Variants in STXBP5L observed in about 807,000 individuals in gnomAD.
The protein encoded by STXBP5L is syntaxin-binding protein 5-like.
Under a neutral mutation model 144.5 loss-of-function variants are expected in STXBP5L, and 65 were observed. The ratio of observed to expected loss-of-function variants is 0.45; its 90% confidence interval spans 0.37 to 0.55. The LOEUF (loss-of-function observed/expected upper bound fraction) is 0.55. Among genes scored for constraint, STXBP5L ranks in the 20% least tolerant of loss-of-function variants. The pLI is 0.00. For missense variants in STXBP5L, 1,298 were observed against 1,405.5 expected, an observed-to-expected ratio of 0.92 and a Z score of 1.22; for synonymous variants, 505 against 469.6, an observed-to-expected ratio of 1.08 and a Z score of -0.97.
chr3:121,114,532 A>T (rs1459327206), intron 5 of STXBP5L, among the ~76,000 whole-genome samples: 1 of 152,188 alleles, frequency 6.6e-6, no homozygotes, highest in Non-Finnish European at 1.5e-5. Context: ...AATGTAGCTT[A>T]GTGAAAGATG....
At chr3:120,961,270 T>C (rs949942376) in intron 3 of STXBP5L, among the ~76,000 whole-genome samples, 3 of 150,308 alleles carry the variant, frequency 2.0e-5, no homozygotes, top group Non-Finnish European at 3.0e-5. Flanking sequence ...GTCTTTCTTT[T>C]TTTGTTTTTT....
At chr3:121,278,308 A>C (rs2050946798) in intron 18 of STXBP5L, among the ~76,000 whole-genome samples, 1 of 151,922 alleles carries the variant, frequency 6.6e-6, no homozygotes, top group Non-Finnish European at 1.5e-5. Context: ...AGTAATTTAA[A>C]ATAGGAGATT....
intron 5 of STXBP5L, among the ~76,000 whole-genome samples, chr3:121,069,737 A>T (rs943746365): frequency 6.6e-6 from 1 of 152,226 alleles, no homozygotes; most frequent in African/African-American, 2.4e-5. Context: ...TTTTACATTT[A>T]AAATTATAAC....
intron 3 of STXBP5L, among the ~76,000 whole-genome samples, chr3:120,966,624 G>A (rs1469813220): frequency 2.6e-5 from 4 of 152,136 alleles, no homozygotes; most frequent in Admixed American, 2.0e-4. Context: ...CTGCAGAACA[G>A]CAAATATTGC....
chr3:121,342,926 A>T (rs1206442104), intron 20 of STXBP5L, among the ~76,000 whole-genome samples: 18 of 150,166 alleles, frequency 1.2e-4, no homozygotes, highest in African/African-American at 4.2e-4. Context: ...CGCCACACTG[A>T]CTTCCACAAT....
chr3:121,325,975 T>C (rs2044131720), intron 20 of STXBP5L, among the ~76,000 whole-genome samples: 1 of 151,358 alleles, frequency 6.6e-6, no homozygotes, highest in Non-Finnish European at 1.5e-5. Context: ...TGGCCCAAAT[T>C]ATTTGGCCTC....
chr3:121,255,749 C>A (rs187599267), intron 16 of STXBP5L, among the ~76,000 whole-genome samples: 1 of 152,020 alleles, frequency 6.6e-6, no homozygotes, highest in Admixed American at 6.5e-5. Flanking sequence ...AATTATGGGG[C>A]AACCTTACCT....
intron 2 of STXBP5L, among the ~76,000 whole-genome samples, chr3:120,935,441 T>G (rs913110688): frequency 2.0e-5 from 3 of 152,046 alleles, no homozygotes; most frequent in African/African-American, 7.2e-5. Flanking sequence ...TTTTTTACCC[T>G]TATTTATTAT....
intron 3 of STXBP5L, among the ~76,000 whole-genome samples, chr3:120,975,308 G>A (rs2948184): frequency 0.21 from 32,442 of 152,034 alleles, 3,687 homozygotes; most frequent in Non-Finnish European, 0.26. Flanking sequence ...TGTAGCAATT[G>A]TGAATGGGAG....
intron 18 of STXBP5L, among the ~76,000 whole-genome samples, chr3:121,260,723 AC>A (rs1248023012): frequency 6.6e-6 from 1 of 152,054 alleles, no homozygotes; most frequent in East Asian, 1.9e-4. Context: ...TATATATTTC[AC>A]TTTTATTTCT....
chr3:120,995,694 A>G (rs952213048), intron 3 of STXBP5L, among the ~76,000 whole-genome samples: 7 of 152,176 alleles, frequency 4.6e-5, no homozygotes, highest in Admixed American at 3.3e-4. Context: ...TCCTTACCCT[A>G]GAATAATATA....
intron 23 of STXBP5L, 94 bp from the exon 24 acceptor site, chr3:121,413,064 C>A: frequency 2.0e-6 from 2 of 1,008,728 alleles, no homozygotes; most frequent in Non-Finnish European, 2.7e-6. Flanking sequence ...AAAGAAACAA[C>A]CATAAAATAA....
chr3:121,031,419 C>T (rs151271852), intron 3 of STXBP5L, among the ~76,000 whole-genome samples: 2 of 123,500 alleles, frequency 1.6e-5, no homozygotes, highest in Non-Finnish European at 3.6e-5. Context: ...AATCAATCAA[C>T]TATCTAGATT....
chr3:121,023,098 C>T (rs916947910), intron 3 of STXBP5L, among the ~76,000 whole-genome samples: 4 of 151,982 alleles, frequency 2.6e-5, no homozygotes, highest in Non-Finnish European at 4.4e-5. Context: ...CTCTTCTATA[C>T]ACCAACAGTT....
At chr3:121,164,294 T>G (rs1409463962) in intron 9 of STXBP5L, among the ~76,000 whole-genome samples, 1 of 152,128 alleles carries the variant, frequency 6.6e-6, no homozygotes, top group African/African-American at 2.4e-5. Context: ...AAAACCACTA[T>G]GAGAAATCAT....
chr3:121,394,243 G>A (rs2046667682), intron 22 of STXBP5L, among the ~76,000 whole-genome samples: 1 of 152,060 alleles, frequency 6.6e-6, no homozygotes, highest in Non-Finnish European at 1.5e-5. Flanking sequence ...GTATAAAAGT[G>A]GTACTGATTT....
intron 16 of STXBP5L, among the ~76,000 whole-genome samples, chr3:121,256,731 C>T (rs928709967): frequency 6.6e-6 from 1 of 151,790 alleles, no homozygotes; most frequent in East Asian, 1.9e-4. Flanking sequence ...CACATATACA[C>T]GTTTGTGTGT....
At position 120,933,983 on chromosome 3, in the gene STXBP5L, T is replaced by G. The variant is rs568100341; in HGVS notation, c.190-20957T>G. On this transcript the variant is annotated intron_variant, in intron 2 of 26. Transcript: ENST00000471454. ...ATTTTGAATGAAACCACCAATCATT[T>G]TCTTCTTGTAACTTCACACTGCAAA... is the stretch of plus-strand genomic sequence containing the variant. 2.6e-5 allele frequency among the ~76,000 whole-genome samples: 4 copies of G among 152,174 alleles called. No individual in the cohort carries two copies. In the East Asian group the frequency reaches 7.7e-4, roughly 29 times the overall value.
intron 5 of STXBP5L, among the ~76,000 whole-genome samples, chr3:121,098,900 C>A (rs907104383): frequency 6.6e-6 from 1 of 152,110 alleles, no homozygotes; most frequent in African/African-American, 2.4e-5. Context: ...AAATAATTTT[C>A]TCCATTTCAG....
Sources: allele counts gnomAD v4.1 joint callset (sites outside exome capture counted in the v4.1 genomes callset), GRCh38; gene constraint gnomAD v4.1.1; transcripts MANE v1.5; gene names NCBI Gene and HGNC (gene_info 2026-07-23, HGNC 2026-07-21).